The following SCAPER variants were observed in gnomAD, a reference collection of about 807,000 sequenced individuals.
The protein encoded by SCAPER is S-phase cyclin A associated protein in the ER.
SCAPER carries 98 observed loss-of-function variants against 182.2 expected under a neutral mutation model. That is an observed-to-expected ratio of 0.54 (90% confidence interval 0.46 to 0.64). SCAPER has a LOEUF of 0.64. Among genes scored for constraint, SCAPER ranks in the 30% least tolerant of loss-of-function variants. The probability of loss-of-function intolerance (pLI) is 0.00; values close to 1 mark genes in which losing one functional copy is unlikely to be tolerated. For missense variants in SCAPER, 1,432 were observed against 1,690.0 expected (o/e 0.85, Z 2.68); for synonymous variants, 605 against 564.6 (o/e 1.07, Z -1.01).
At chr15:76,851,555 T>C (rs2070758575) in intron 4 of SCAPER, among the ~76,000 whole-genome samples, 1 of 151,920 alleles carries the variant, frequency 6.6e-6, no homozygotes, top group South Asian at 2.1e-4. Flanking sequence ...AGAAAAAAAA[T>C]CTTCAACCAA....
At chr15:76,751,622 T>C (rs1205348850) in intron 15 of SCAPER, among the ~76,000 whole-genome samples, 3 of 151,884 alleles carry the variant, frequency 2.0e-5, no homozygotes, top group East Asian at 1.9e-4. Context: ...GATAATTTAA[T>C]GGACAAAGAA....
chr15:76,738,367 T>C (rs866071335), intron 15 of SCAPER, among the ~76,000 whole-genome samples: 103 of 152,266 alleles, frequency 6.8e-4, no homozygotes, highest in African/African-American at 2.3e-3. Context: ...TTGACAAGCC[T>C]TCCTCAATAA....
At chr15:76,716,793 C>A (rs1035203988) in intron 17 of SCAPER, among the ~76,000 whole-genome samples, 24 of 151,698 alleles carry the variant, frequency 1.6e-4, no homozygotes, top group African/African-American at 5.8e-4. Context: ...CACCACTAAG[C>A]AAACAAATAT....
At chr15:76,893,383 G>A (rs753800164) in intron 1 of SCAPER, among the ~76,000 whole-genome samples, 3 of 151,988 alleles carry the variant, frequency 2.0e-5, no homozygotes, top group Non-Finnish European at 4.4e-5. Flanking sequence ...GGATATAACC[G>A]TTGTAGATAT....
In SCAPER at chr15:76,348,689, G is replaced by T; in HGVS notation, c.4147C>A (p.Pro1383Thr). Residue 1383 changes from proline (P) to threonine (T), a missense_variant, in exon 32 of 32, where the codon CCT becomes ACT. Physicochemically the swap from Pro to Thr is conservative, Grantham distance 38. Coordinates refer to ENST00000563290, the MANE Select transcript of SCAPER (RefSeq NM_020843.4). ...CGAGCTTCTTCCCAGGCCTGCTGAG[G>T]AAATCTGTTAGCCAGCTCAAGATAG... is the stretch of plus-strand genomic sequence containing the variant. ...QDYLELANRF[P>T]QQAWEEARQF... 6.4e-7 allele frequency: 1 copy of T among 1,558,514 alleles called. No individual in the cohort carries two copies. Among genetic ancestry groups the T allele is most frequent in the East Asian group, 2.4e-5 (1 of 42,504 alleles).
At chr15:76,424,717 G>A (rs2046300560) in intron 26 of SCAPER, among the ~76,000 whole-genome samples, 1 of 152,126 alleles carries the variant, frequency 6.6e-6, no homozygotes, top group Non-Finnish European at 1.5e-5. Context: ...TAGCATCAAT[G>A]GTCTTTACAA....
rs114380526 is a variant in SCAPER at position 76,357,212 on chromosome 15, C to T, written c.3856-3072G>A. ...CACCCCTATGGCCACTCACCTACCTCGCTTAGGTGAATAAGCTGAATTTTC... is the reference window on the plus strand; with the variant it reads ...CACCCCTATGGCCACTCACCTACCTTGCTTAGGTGAATAAGCTGAATTTTC... On this transcript the variant is annotated intron_variant, in intron 29 of 31. Coordinates refer to ENST00000563290, the MANE Select transcript of SCAPER (RefSeq NM_020843.4). 9.1e-3 allele frequency among the ~76,000 whole-genome samples: 1,335 copies of T among 145,926 alleles called. 23 individuals are homozygous for T. Among genetic ancestry groups the T allele is most frequent in the African/African-American group, 0.027 (1,093 of 40,402 alleles).
At chr15:76,677,777 A>G (rs1302461597) in intron 20 of SCAPER, among the ~76,000 whole-genome samples, 1 of 150,820 alleles carries the variant, frequency 6.6e-6, no homozygotes, top group Non-Finnish European at 1.5e-5. Context: ...ACCGTATTCT[A>G]TGAAATAATT....
intron 26 of SCAPER, among the ~76,000 whole-genome samples, chr15:76,411,940 G>T (rs2045319928): frequency 6.6e-6 from 1 of 152,076 alleles, no homozygotes; most frequent in Non-Finnish European, 1.5e-5. Flanking sequence ...ACGGTTATTT[G>T]CATATTTGTA....
At chr15:76,668,591 G>A (rs923261288) in intron 20 of SCAPER, among the ~76,000 whole-genome samples, 5 of 152,150 alleles carry the variant, frequency 3.3e-5, no homozygotes, top group Non-Finnish European at 7.4e-5. Flanking sequence ...TATTTACGTG[G>A]TCTTGACCAA....
Position 76,596,709 on chromosome 15 carries a change from C to A in SCAPER, c.2712-22425G>T, listed in dbSNP as rs2049529099. On this transcript the variant is annotated intron_variant, in intron 22 of 31. Transcript: ENST00000563290. ...ACATAAACAGAACCAACGAGAAAAA[C>A]CACAAGATTATCTCAATAGATGCAG... Among the ~76,000 whole-genome samples the A allele has an allele frequency of 1.7e-5, 2 of 120,828 alleles. 1 individual carries two copies. The highest frequency in any genetic ancestry group is 4.0e-5 in the Non-Finnish European group (2 of 49,708). 79.3% of individuals were successfully genotyped at this position (120,828 alleles called of 152,430 possible). A position where few individuals can be genotyped will look rare whatever the true frequency, so the allele number is the denominator to read the frequency against.
intron 17 of SCAPER, among the ~76,000 whole-genome samples, chr15:76,712,072 T>C (rs918462187): frequency 3.3e-5 from 5 of 152,190 alleles, no homozygotes; most frequent in African/African-American, 4.8e-5. Context: ...TGGTTTTAGG[T>C]CTGATATTTA....
chr15:76,765,505 A>G, intron 12 of SCAPER, 51 bp from the exon 13 acceptor site: 1 of 1,609,050 alleles, frequency 6.2e-7, no homozygotes. Flanking sequence ...TCTATAAAAC[A>G]TTTGAGAACA....
chr15:76,476,922 G>A (rs74828922), intron 24 of SCAPER, among the ~76,000 whole-genome samples: 1 of 96,688 alleles, frequency 1.0e-5, no homozygotes, highest in East Asian at 3.2e-4. Context: ...ATGTTATAAA[G>A]TTGTTTTAAC....
At chr15:76,437,460 G>C (rs905746084) in intron 25 of SCAPER, among the ~76,000 whole-genome samples, 1 of 152,164 alleles carries the variant, frequency 6.6e-6, no homozygotes. Context: ...CCTCTCGACA[G>C]AGAGAATGTA....
intron 22 of SCAPER, among the ~76,000 whole-genome samples, chr15:76,589,216 T>G (rs1476235238): frequency 6.6e-6 from 1 of 152,150 alleles, no homozygotes; most frequent in Non-Finnish European, 1.5e-5. Context: ...GGTGGCATTT[T>G]CAAGAGAGGA....
chr15:76,434,326 G>C lies in SCAPER; in HGVS notation c.3079-16C>G. The stretch of plus-strand genomic sequence containing the variant: ...GAACATAAACCTAGATGAAAAAAAA[G>C]TACAGTAAATATGTTTCAATAAAAC... On this transcript the variant is annotated splice_polypyrimidine_tract_variant and intron_variant, in intron 25 of 31. Transcript: ENST00000563290. 6.4e-7 allele frequency: 1 copy of C among 1,558,046 alleles called. No homozygotes were observed. Among genetic ancestry groups the C allele is most frequent in the Non-Finnish European group, 8.8e-7 (1 of 1,138,380 alleles).
chr15:76,404,704 T>C (rs532977890), intron 26 of SCAPER, 25 bp from the exon 27 acceptor site: 1 of 1,603,522 alleles, frequency 6.2e-7, no homozygotes, highest in East Asian at 2.2e-5. Flanking sequence ...GAAATGCATG[T>C]TATCAATCTG....
chr15:76,747,399 G>A (rs1166657465), intron 15 of SCAPER, among the ~76,000 whole-genome samples: 2 of 152,112 alleles, frequency 1.3e-5, no homozygotes, highest in Non-Finnish European at 2.9e-5. Flanking sequence ...CTACTCAGGA[G>A]GCTGAGGCAG....
Sources: allele counts gnomAD v4.1 joint callset (sites outside exome capture counted in the v4.1 genomes callset), GRCh38; gene constraint gnomAD v4.1.1; transcripts MANE v1.5; gene names NCBI Gene and HGNC (gene_info 2026-07-23, HGNC 2026-07-21).